PSD3: variants seen among roughly 807,000 people sequenced by gnomAD.
PSD3 encodes the protein pleckstrin and Sec7 domain containing 3, also known as PH and SEC7 domain-containing protein 3.
A neutral mutation model predicts 105.5 loss-of-function variants in PSD3; 49 were observed. The observed-to-expected ratio is 0.46, with a 90% confidence interval of 0.37 to 0.59. The LOEUF is 0.59. Ranked by LOEUF, PSD3 falls within the 20% of genes least tolerant of loss-of-function variation. The pLI is 0.00. For synonymous variants in PSD3, 557 were observed against 457.8 expected, an observed-to-expected ratio of 1.22 and a Z score of -2.77; for missense variants, 1,561 against 1,263.8, an observed-to-expected ratio of 1.24 and a Z score of -3.57.
At chr8:18,752,129 A>C (rs2129438373) in intron 9 of PSD3, among the ~76,000 whole-genome samples, 1 of 152,020 alleles carries the variant, frequency 6.6e-6, no homozygotes, top group East Asian at 1.9e-4. Context: ...CGGAGGTTGC[A>C]GTGAGCAACC....
chr8:18,742,208 T>A (rs1804629316), intron 9 of PSD3, among the ~76,000 whole-genome samples: 1 of 152,126 alleles, frequency 6.6e-6, no homozygotes, highest in Admixed American at 6.6e-5. Context: ...ATATACCTCT[T>A]TAAGAAACCT....
At chr8:18,603,909 A>C (rs1168953407) in intron 11 of PSD3, among the ~76,000 whole-genome samples, 1 of 152,142 alleles carries the variant, frequency 6.6e-6, no homozygotes, top group East Asian at 1.9e-4. Context: ...TGCCAACATC[A>C]TGCTTCCTGT....
At chr8:18,925,361 C>T (rs755202905) in intron 2 of PSD3, among the ~76,000 whole-genome samples, 3 of 151,798 alleles carry the variant, frequency 2.0e-5, no homozygotes, top group African/African-American at 4.8e-5. Flanking sequence ...GATTGTGCTA[C>T]CACACTTCCA....
chr8:18,630,738 T>C (rs1806836861), intron 11 of PSD3, among the ~76,000 whole-genome samples: 1 of 151,960 alleles, frequency 6.6e-6, no homozygotes, highest in South Asian at 2.1e-4. Context: ...TCTGCAACTG[T>C]GTATTCAACC....
intron 9 of PSD3, among the ~76,000 whole-genome samples, chr8:18,747,364 A>G (rs941518467): frequency 6.6e-6 from 1 of 152,202 alleles, no homozygotes; most frequent in Non-Finnish European, 1.5e-5. Context: ...GTTTGGTTTC[A>G]TTTTTAAAAA....
intron 9 of PSD3, among the ~76,000 whole-genome samples, chr8:18,665,991 C>A (rs1210394670): frequency 6.6e-6 from 1 of 152,218 alleles, no homozygotes; most frequent in East Asian, 1.9e-4. Flanking sequence ...CCTCCATAAG[C>A]AAAACGATGA....
At chr8:18,681,874 T>C (rs1383147317) in intron 9 of PSD3, among the ~76,000 whole-genome samples, 1 of 152,088 alleles carries the variant, frequency 6.6e-6, no homozygotes, top group Non-Finnish European at 1.5e-5. Context: ...GGACCACATA[T>C]GCCTCAAAAA....
chr8:18,829,062 G>A (rs563849258), intron 4 of PSD3, among the ~76,000 whole-genome samples: 3 of 152,180 alleles, frequency 2.0e-5, no homozygotes, highest in South Asian at 2.1e-4. Context: ...GACAGAGTGA[G>A]ACTCCGTTAA....
At chr8:18,809,458 T>G (rs74614121) in intron 4 of PSD3, among the ~76,000 whole-genome samples, 6,979 of 152,212 alleles carry the variant, frequency 0.046, 422 homozygotes, top group African/African-American at 0.13. Flanking sequence ...ACCTTTTGAA[T>G]CATACTAAGA....
chr8:18,767,359 C>T (rs1407404327), intron 8 of PSD3, among the ~76,000 whole-genome samples: 4 of 152,116 alleles, frequency 2.6e-5, no homozygotes, highest in Non-Finnish European at 5.9e-5. Flanking sequence ...ACATCTGTTA[C>T]GAGTGCAGGA....
chr8:18,558,797 G>C (rs571461156), intron 14 of PSD3, among the ~76,000 whole-genome samples: 10 of 152,198 alleles, frequency 6.6e-5, no homozygotes, highest in African/African-American at 2.2e-4. Flanking sequence ...CTCCAGTCTG[G>C]GTGACAGAGC....
At chr8:18,573,457 T>C (rs1261480371) in intron 13 of PSD3, among the ~76,000 whole-genome samples, 1 of 152,102 alleles carries the variant, frequency 6.6e-6, no homozygotes, top group African/African-American at 2.4e-5. Flanking sequence ...GGTGGCAAAG[T>C]GAGACTCCAT....
intron 8 of PSD3, among the ~76,000 whole-genome samples, chr8:18,765,965 C>T (rs1163659878): frequency 1.9e-5 from 2 of 105,706 alleles, no homozygotes; most frequent in Non-Finnish European, 5.0e-5. Context: ...GAGACTCCAT[C>T]TCAAAAAAAA....
chr8:18,643,100 T>C (rs1472334231), intron 10 of PSD3, among the ~76,000 whole-genome samples: 5 of 152,202 alleles, frequency 3.3e-5, no homozygotes, highest in Non-Finnish European at 7.3e-5. Flanking sequence ...ACTTATTTCT[T>C]ACAGTTCTGG....
intron 9 of PSD3, among the ~76,000 whole-genome samples, chr8:18,758,089 AC>A (rs2129441706): frequency 6.6e-6 from 1 of 152,262 alleles, no homozygotes; most frequent in African/African-American, 2.4e-5. Flanking sequence ...TGTGCCATTT[AC>A]CCAGTATCCT....
chr8:18,532,779 G>A lies in PSD3; in HGVS notation c.*2964C>T, dbSNP rs1029155205. The A allele has an allele frequency of 1.3e-5, 2 of 152,184 alleles. No individual in the cohort carries two copies. The highest frequency in any genetic ancestry group is 2.4e-5 in the African/African-American group (1 of 41,436). The allele number at this position is 152,184 out of a possible 1,614,324, so 9.4% of individuals were successfully genotyped here. On this transcript the variant is annotated 3_prime_UTR_variant, in exon 16 of 16. Coordinates refer to ENST00000327040, the MANE Select transcript of PSD3 (RefSeq NM_015310.4). ...CACCTCCCTGTAAAAGCCAGCATGC[G>A]AGGTGGGGACAAACCCCTAAAATTC...
At chr8:18,653,462 A>G (rs150175000) in intron 10 of PSD3, among the ~76,000 whole-genome samples, 1 of 152,300 alleles carries the variant, frequency 6.6e-6, no homozygotes, top group African/African-American at 2.4e-5. Context: ...CAAACATTTC[A>G]GTGTCATCCT....
chr8:18,582,985 G>A (rs1040455529), intron 12 of PSD3, among the ~76,000 whole-genome samples: 7 of 151,800 alleles, frequency 4.6e-5, no homozygotes, highest in Non-Finnish European at 1.5e-5. Context: ...GTGCCACCAC[G>A]CCTGGCTAAT....
At chr8:18,789,755 T>C (rs564997015) in intron 8 of PSD3, among the ~76,000 whole-genome samples, 6 of 152,308 alleles carry the variant, frequency 3.9e-5, no homozygotes, top group Admixed American at 6.5e-5. Flanking sequence ...AGCAACAGGA[T>C]TGGAAACAAG....
Sources: allele counts gnomAD v4.1 joint callset (sites outside exome capture counted in the v4.1 genomes callset), GRCh38; gene constraint gnomAD v4.1.1; transcripts MANE v1.5; gene names NCBI Gene and HGNC (gene_info 2026-07-23, HGNC 2026-07-21).